Variants in TTLL11 observed in about 807,000 individuals in gnomAD.
The protein encoded by TTLL11 is tubulin tyrosine ligase like 11.
TTLL11 carries 42 observed loss-of-function variants against 51.7 expected under a neutral mutation model. The observed-to-expected ratio is 0.81, with a 90% CI of 0.64 to 1.05. The LOEUF is 1.05. TTLL11 is among the 50% of genes least tolerant of loss of function. TTLL11 has a pLI of 0.00. For synonymous variants in TTLL11, 381 were observed against 383.5 expected (o/e 0.99, Z 0.08); for missense variants, 799 against 940.4 (o/e 0.85, Z 1.97).
chr9:121,903,350 C>A (rs1839834212), intron 6 of TTLL11, among the ~76,000 whole-genome samples: 1 of 152,156 alleles, frequency 6.6e-6, no homozygotes, highest in Admixed American at 6.5e-5. Flanking sequence ...ATTCTGAGGG[C>A]ATGGGAAGAA....
At chr9:122,030,212 G>T (rs943014448) in intron 3 of TTLL11, among the ~76,000 whole-genome samples, 18 of 138,846 alleles carry the variant, frequency 1.3e-4, no homozygotes, top group East Asian at 9.6e-4. Flanking sequence ...TGGGGGGGGG[G>T]GGGTAATTAT....
chr9:121,905,197 A>AAAAT (rs1839900471), intron 6 of TTLL11, among the ~76,000 whole-genome samples: 2 of 152,194 alleles, frequency 1.3e-5, no homozygotes, highest in Non-Finnish European at 2.9e-5. Flanking sequence ...CTATATAGGC[A>AAAAT]AGAGAACAAA....
chr9:121,847,054 C>T (rs1837536074), intron 8 of TTLL11, among the ~76,000 whole-genome samples: 1 of 151,896 alleles, frequency 6.6e-6, no homozygotes, highest in Admixed American at 6.6e-5. Context: ...ACTAAAAATA[C>T]AAAAAATTAG....
intron 3 of TTLL11, among the ~76,000 whole-genome samples, chr9:122,004,144 A>G (rs773897969): frequency 3.3e-5 from 5 of 151,966 alleles, no homozygotes; most frequent in Admixed American, 6.6e-5. Flanking sequence ...TAAAATAAAA[A>G]TAAAAAGTAC....
chr9:121,927,181 C>T (rs192957622), intron 6 of TTLL11, among the ~76,000 whole-genome samples: 11 of 152,354 alleles, frequency 7.2e-5, no homozygotes, highest in African/African-American at 2.6e-4. Context: ...TGTCTCTATG[C>T]TTCTCTCCTC....
At chr9:122,068,460 C>T (rs1845648606) in intron 1 of TTLL11, among the ~76,000 whole-genome samples, 1 of 152,078 alleles carries the variant, frequency 6.6e-6, no homozygotes, top group Admixed American at 6.6e-5. Flanking sequence ...GATAAAAGTC[C>T]ACATAGTATT....
At chr9:121,897,643 C>CGCGT (rs1554766737) in intron 6 of TTLL11, among the ~76,000 whole-genome samples, 2 of 150,398 alleles carry the variant, frequency 1.3e-5, no homozygotes, top group African/African-American at 2.5e-5. Context: ...CACACACACG[C>CGCGT]GCGCGCGAAG....
intron 3 of TTLL11, among the ~76,000 whole-genome samples, chr9:122,021,238 A>G (rs1309935845): frequency 8.2e-6 from 1 of 121,388 alleles, no homozygotes; most frequent in Non-Finnish European, 1.6e-5. Context: ...TCCAGGCTGC[A>G]GTGCAGAGTG....
chr9:121,846,330 T>A (rs10818604), intron 8 of TTLL11, among the ~76,000 whole-genome samples: 75,882 of 152,074 alleles, frequency 0.5, 20,345 homozygotes, highest in East Asian at 0.72. Flanking sequence ...TCTACTATTA[T>A]AGGTGGAGAC....
chr9:122,074,168 G>A (rs983521176), intron 1 of TTLL11, among the ~76,000 whole-genome samples: 2 of 151,968 alleles, frequency 1.3e-5, no homozygotes, highest in African/African-American at 4.8e-5. Context: ...CAGCAAGTTG[G>A]GAAGCTGAGG....
chr9:121,883,150 C>T (rs1838862525), intron 6 of TTLL11, among the ~76,000 whole-genome samples: 1 of 152,006 alleles, frequency 6.6e-6, no homozygotes, highest in Non-Finnish European at 1.5e-5. Context: ...GCAAAAATAC[C>T]ACATTAATAA....
chr9:121,919,658 G>C (rs1040320905), intron 6 of TTLL11, among the ~76,000 whole-genome samples: 1 of 152,090 alleles, frequency 6.6e-6, no homozygotes, highest in African/African-American at 2.4e-5. Context: ...CCTGCAAGTG[G>C]GGCCCAAGAG....
chr9:121,956,301 T>C (rs1842012741), intron 6 of TTLL11, among the ~76,000 whole-genome samples: 1 of 152,224 alleles, frequency 6.6e-6, no homozygotes, highest in Non-Finnish European at 1.5e-5. Flanking sequence ...TGTTGTAAGA[T>C]GGTGTGATTG....
At chr9:121,906,658 G>A (rs1181590678) in intron 6 of TTLL11, among the ~76,000 whole-genome samples, 2 of 152,052 alleles carry the variant, frequency 1.3e-5, no homozygotes, top group African/African-American at 2.4e-5. Context: ...TATGTGTAGG[G>A]CAGGTTGGAA....
intron 7 of TTLL11, among the ~76,000 whole-genome samples, chr9:121,869,385 A>C (rs988638146): frequency 6.6e-6 from 1 of 152,248 alleles, no homozygotes; most frequent in African/African-American, 2.4e-5. Flanking sequence ...GAGGTGCAAG[A>C]CAAAAATATT....
intron 1 of TTLL11, among the ~76,000 whole-genome samples, chr9:122,043,843 T>C (rs1844917747): frequency 6.6e-6 from 1 of 151,800 alleles, no homozygotes; most frequent in East Asian, 1.9e-4. Flanking sequence ...TATATATATA[T>C]TTTTTTCTTT....
chr9:121,848,153 G>A (rs984930696), intron 8 of TTLL11, among the ~76,000 whole-genome samples: 1 of 151,584 alleles, frequency 6.6e-6, no homozygotes, highest in African/African-American at 2.4e-5. Flanking sequence ...TCTGCAATGA[G>A]CCAAGATTGT....
chr9:122,019,968 C>T (rs1014590212), intron 3 of TTLL11, among the ~76,000 whole-genome samples: 3 of 152,162 alleles, frequency 2.0e-5, no homozygotes, highest in African/African-American at 7.2e-5. Flanking sequence ...ATGTGCCTTT[C>T]GCCTTCTGCC....
At chr9:121,962,801 A>G (rs1355586532) in intron 6 of TTLL11, among the ~76,000 whole-genome samples, 1 of 152,236 alleles carries the variant, frequency 6.6e-6, no homozygotes, top group Non-Finnish European at 1.5e-5. Context: ...TTGAAAATAA[A>G]GTCACCGCCT....
Sources: gnomAD v4.1 joint callset for allele counts (sites outside exome capture counted in the v4.1 genomes callset) on GRCh38, gnomAD v4.1.1 for gene constraint, MANE v1.5 for transcripts, NCBI Gene and HGNC (gene_info 2026-07-23, HGNC 2026-07-21) for gene names.